The following CHL1 variants were observed in gnomAD, a reference collection of about 807,000 sequenced individuals.
CHL1 encodes neural cell adhesion molecule L1-like protein.
A neutral mutation model predicts 141.9 loss-of-function variants in CHL1; 96 were observed. That is an observed-to-expected ratio of 0.68 (90% CI 0.57 to 0.80). The LOEUF (loss-of-function observed/expected upper bound fraction) is 0.80. CHL1 is among the 30% of genes least tolerant of loss of function. The pLI is 0.00. For missense variants in CHL1, 1,820 were observed against 1,457.2 expected, an observed-to-expected ratio of 1.25 and a Z score of -4.05; for synonymous variants, 613 against 502.2, an observed-to-expected ratio of 1.22 and a Z score of -2.95.
chr3:319,464 T>C (rs920427941), intron 2 of CHL1, among the ~76,000 whole-genome samples: 1 of 151,786 alleles, frequency 6.6e-6, no homozygotes, highest in South Asian at 2.1e-4. Context: ...TTTTTTGGAA[T>C]AGTCTGTGGT....
At chr3:284,432 C>G (rs1314319953) in intron 2 of CHL1, among the ~76,000 whole-genome samples, 1 of 152,172 alleles carries the variant, frequency 6.6e-6, no homozygotes, top group African/African-American at 2.4e-5. Context: ...GTGAAAAACA[C>G]CAGATTGTTT....
Position 300,589 on chromosome 3 carries a change from A to C in CHL1, c.-94-19094A>C, listed in dbSNP as rs1157159803. On this transcript the variant is annotated intron_variant, in intron 2 of 27. Transcript: ENST00000256509. ...AAACAGCTTTATTCATGGGGTGCCT[A>C]TTCTGTGCAAGGCAATACCTTTGGC... is the stretch of plus-strand genomic sequence containing the variant. Among the ~76,000 whole-genome samples, 4 of 152,284 alleles carry C rather than the reference A, an allele frequency of 2.6e-5. No homozygotes were observed. The East Asian group carries it at 7.7e-4, about 29-fold the overall frequency.
chr3:287,851 C>T (rs1021289973), intron 2 of CHL1, among the ~76,000 whole-genome samples: 1 of 152,038 alleles, frequency 6.6e-6, no homozygotes, highest in Non-Finnish European at 1.5e-5. Context: ...CTGCAACCTC[C>T]GCCTCCCGGG....
chr3:303,440 G>C (rs1698941847), intron 2 of CHL1, among the ~76,000 whole-genome samples: 1 of 152,156 alleles, frequency 6.6e-6, no homozygotes, highest in Non-Finnish European at 1.5e-5. Flanking sequence ...AGTTCTTGAA[G>C]AGGCCCTTCA....
At position 281,592 on chromosome 3, in the gene CHL1, C is replaced by T. The variant is rs149462162; in HGVS notation, c.-95+36900C>T. ...TTTTTTTTTTTGAGACAAAGTCCCA[C>T]TCTGTCGCCCAGGCTGGAATGCAGT... On this transcript the variant is annotated intron_variant, in intron 2 of 27. Coordinates refer to ENST00000256509, the MANE Select transcript of CHL1 (RefSeq NM_006614.4). Among the ~76,000 whole-genome samples, 1,004 of 148,060 alleles carry T rather than the reference C, an allele frequency of 6.8e-3. 11 individuals are homozygous for T. Among genetic ancestry groups the T allele is most frequent in the African/African-American group, 0.024 (944 of 39,998 alleles).
rs1319432947 is a variant in CHL1 at position 391,811 on chromosome 3, T to C, written c.2914+14T>C. On this transcript the variant is annotated intron_variant, in intron 23 of 27. Transcript: ENST00000256509. ...AATATCAGATAAGTAAGTAGAAATT[T>C]GAATTGGAGTTAACTTGTTAATGTT... 1.1e-5 allele frequency: 17 copies of C among 1,571,862 alleles called. No homozygotes were observed. Among genetic ancestry groups the C allele is most frequent in the Non-Finnish European group, 1.4e-5 (16 of 1,157,852 alleles).
chr3:254,547 C>G (rs77307912), intron 2 of CHL1, among the ~76,000 whole-genome samples: 2,034 of 152,218 alleles, frequency 0.013, 39 homozygotes, highest in African/African-American at 0.047. Flanking sequence ...CAGCAGACAT[C>G]AGACTATGCA....
chr3:265,690 G>A (rs1294063735), intron 2 of CHL1, among the ~76,000 whole-genome samples: 3 of 152,176 alleles, frequency 2.0e-5, no homozygotes, highest in Non-Finnish European at 4.4e-5. Context: ...GAGATGTGGG[G>A]AATGGGTGGG....
At chr3:223,459 C>T (rs1412670230) in intron 1 of CHL1, among the ~76,000 whole-genome samples, 7 of 152,092 alleles carry the variant, frequency 4.6e-5, no homozygotes, top group African/African-American at 1.7e-4. Context: ...GTCAGAACTG[C>T]AACTGTGTAA....
chr3:281,247 A>T (rs767495268), intron 2 of CHL1, among the ~76,000 whole-genome samples: 7 of 152,312 alleles, frequency 4.6e-5, no homozygotes, highest in Admixed American at 3.9e-4. Flanking sequence ...ATTGTGCAGT[A>T]TCTCATAGTT....
At chr3:242,608 TAAAATA>T (rs138856096) in intron 1 of CHL1, among the ~76,000 whole-genome samples, 76,033 of 150,588 alleles carry the variant, frequency 0.5, 19,787 homozygotes, top group Admixed American at 0.57. Flanking sequence ...AATAAATAAA[TAAAATA>T]AAATAAAATA....
rs1704108847 is a variant in CHL1 at position 360,268 on chromosome 3, C to A, written c.1166-16C>A. The A allele has an allele frequency of 1.9e-6, 3 of 1,612,840 alleles. No homozygotes were observed. The highest frequency in any genetic ancestry group is 1.3e-5 in the African/African-American group (1 of 74,964). On this transcript the variant is annotated splice_polypyrimidine_tract_variant and intron_variant, in intron 11 of 27. Coordinates refer to ENST00000256509, the MANE Select transcript of CHL1 (RefSeq NM_006614.4). ...TCCTGTTCCTTATCAAACTGACATT[C>A]TTTAATCTCTTTCAGATCATCCATT... is the stretch of plus-strand genomic sequence containing the variant.
At chr3:325,746 A>T (rs956963330) in intron 3 of CHL1, among the ~76,000 whole-genome samples, 1 of 152,064 alleles carries the variant, frequency 6.6e-6, no homozygotes, top group African/African-American at 2.4e-5. Flanking sequence ...AAATAAAATG[A>T]ACATATATTA....
intron 2 of CHL1, among the ~76,000 whole-genome samples, chr3:309,835 T>G (rs1438276833): frequency 1.3e-5 from 2 of 152,210 alleles, no homozygotes; most frequent in Admixed American, 6.5e-5. Flanking sequence ...CTAATTAGTT[T>G]TCTACTTTTA....
At chr3:245,288 G>T (rs1693057139) in intron 2 of CHL1, among the ~76,000 whole-genome samples, 1 of 152,174 alleles carries the variant, frequency 6.6e-6, no homozygotes, top group South Asian at 2.1e-4. Context: ...ACATTGGAAG[G>T]AGGGCCAAAC....
At chr3:332,241 G>A (rs115577061) in intron 5 of CHL1, among the ~76,000 whole-genome samples, 9 of 152,040 alleles carry the variant, frequency 5.9e-5, no homozygotes, top group African/African-American at 1.4e-4. Context: ...TAAATAAAAC[G>A]TCAAGAATAT....
intron 9 of CHL1, among the ~76,000 whole-genome samples, chr3:348,777 A>G (rs574782569): frequency 3.3e-5 from 5 of 152,312 alleles, no homozygotes; most frequent in African/African-American, 1.2e-4. Flanking sequence ...GTGATCCAGG[A>G]GGCAGTATCT....
At chr3:319,154 T>C (rs1458970569) in intron 2 of CHL1, among the ~76,000 whole-genome samples, 1 of 151,708 alleles carries the variant, frequency 6.6e-6, no homozygotes, top group Non-Finnish European at 1.5e-5. Context: ...ATTATGGACA[T>C]AAAGATAAGA....
At chr3:198,458 C>A (rs1698607837) in intron 1 of CHL1, among the ~76,000 whole-genome samples, 1 of 152,152 alleles carries the variant, frequency 6.6e-6, no homozygotes, top group Non-Finnish European at 1.5e-5. Context: ...TCCCGGGACG[C>A]CCACGTGGCT....
Sources: allele counts gnomAD v4.1 joint callset (sites outside exome capture counted in the v4.1 genomes callset), GRCh38; gene constraint gnomAD v4.1.1; transcripts MANE v1.5; gene names NCBI Gene and HGNC (gene_info 2026-07-23, HGNC 2026-07-21).